AZIN2: variants seen among roughly 807,000 people sequenced by gnomAD.
The protein encoded by AZIN2 is antizyme inhibitor 2.
A neutral mutation model predicts 47.8 loss-of-function variants in AZIN2; 28 were observed. That is an observed-to-expected ratio of 0.59 (90% CI 0.43 to 0.80). The LOEUF (loss-of-function observed/expected upper bound fraction) is 0.80, where lower values mean the gene tolerates loss of function less well. Ranked by LOEUF, AZIN2 falls within the 30% of genes least tolerant of loss-of-function variation. The pLI, the probability that AZIN2 is intolerant of heterozygous loss-of-function variation, is 0.00. For synonymous variants in AZIN2, 221 were observed against 239.4 expected, an observed-to-expected ratio of 0.92 and a Z score of 0.71; for missense variants, 535 against 582.5, an observed-to-expected ratio of 0.92 and a Z score of 0.84.
In AZIN2 at chr1:33,081,207, C is replaced by G. The variant is rs1053506509; in HGVS notation, c.-493C>G. The G allele has an allele frequency of 6.5e-6, 1 of 154,116 alleles. No homozygotes were observed. The highest frequency in any genetic ancestry group is 2.4e-5 in the African/African-American group (1 of 41,490). 9.5% of individuals were successfully genotyped at this position (154,116 alleles called of 1,614,324 possible). On this transcript the variant is annotated 5_prime_UTR_variant, in exon 1 of 12. Coordinates refer to ENST00000294517, the MANE Select transcript of AZIN2 (RefSeq NM_052998.4). This position sits in a 1 kb window ranked among gnomAD's most constrained non-coding sequence, Gnocchi z 4.2. Reference sequence around the variant, plus strand: ...GGGGCGCAGGCCGCGGGACCCGAGCCCGGGGAAGCGAGAGAGCGGAGGCGC... The same window carrying G: ...GGGGCGCAGGCCGCGGGACCCGAGCGCGGGGAAGCGAGAGAGCGGAGGCGC...
At chr1:33,099,166 C>T (rs1050585822) in intron 10 of AZIN2, among the ~76,000 whole-genome samples, 1 of 152,122 alleles carries the variant, frequency 6.6e-6, no homozygotes, top group Non-Finnish European at 1.5e-5. Flanking sequence ...TTTTCCTTCC[C>T]TTCCCAACCT....
In AZIN2 at chr1:33,104,916, C is replaced by G. The variant is rs376746827; in HGVS notation, c.1029+6737C>G. ...GTTTTGCCATGTTGCCCAGGCTGGTCTTGAGCTCCTTGTTTTGTTCAAGCA... is the reference window on the plus strand; with the variant it reads ...GTTTTGCCATGTTGCCCAGGCTGGTGTTGAGCTCCTTGTTTTGTTCAAGCA... On this transcript the variant is annotated intron_variant, in intron 10 of 11. Transcript: ENST00000294517. 1.6e-4 allele frequency among the ~76,000 whole-genome samples: 24 copies of G among 152,228 alleles called. No individual in the cohort carries two copies. The East Asian group carries it at 3.3e-3, about 21-fold the overall frequency.
the AZIN2 span, among the ~76,000 whole-genome samples, chr1:33,133,684 C>G: frequency 6.6e-6 from 1 of 152,314 alleles, no homozygotes; most frequent in African/African-American, 2.4e-5. Context: ...GGTGTTAGGG[C>G]AAGGGCAGTG....
rs529630507 is a variant in AZIN2 at position 33,122,332 on chromosome 1, T to C, written c.*2150T>C. Among the ~76,000 whole-genome samples the C allele has an allele frequency of 2.6e-4, 40 of 152,326 alleles. No individual in the cohort carries two copies. The highest frequency in any genetic ancestry group is 7.9e-4 in the African/African-American group (33 of 41,576). The stretch of plus-strand genomic sequence containing the variant: ...AAATGACAGTGGCTGTCATGGAGTT[T>C]GGATGGATTTCTCACTGGAGCCTTT... On this transcript the variant is annotated 3_prime_UTR_variant, in exon 12 of 12. Coordinates refer to ENST00000294517, the MANE Select transcript of AZIN2 (RefSeq NM_052998.4).
chr1:33,112,876 A>G (rs1000881758), intron 10 of AZIN2, among the ~76,000 whole-genome samples: 1 of 152,186 alleles, frequency 6.6e-6, no homozygotes, highest in Non-Finnish European at 1.5e-5. Context: ...TATTTAATCT[A>G]GTTATTAAAT....
intron 10 of AZIN2, among the ~76,000 whole-genome samples, chr1:33,115,574 G>T (rs77709313): frequency 6.7e-6 from 1 of 149,662 alleles, no homozygotes; most frequent in Admixed American, 6.7e-5. Flanking sequence ...TGTGGTGGCC[G>T]GCACCTGTAA....
the AZIN2 span, among the ~76,000 whole-genome samples, chr1:33,133,890 G>T: frequency 2.0e-5 from 3 of 152,252 alleles, no homozygotes; most frequent in Non-Finnish European, 2.9e-5. Context: ...GTACTTGCTT[G>T]TGGACCCAAA....
At position 33,081,181 on chromosome 1, in the gene AZIN2, C is replaced by G. The variant is rs763103494; in HGVS notation, c.-519C>G. On this transcript the variant is annotated 5_prime_UTR_variant, in exon 1 of 12. Transcript: ENST00000294517. This position sits in a 1 kb window ranked among gnomAD's most constrained non-coding sequence, Gnocchi z 4.2. ...TGGGGGTCTGTGGCTGCTGGGCTGG[C>G]GGGGCGCAGGCCGCGGGACCCGAGC... 6.5e-6 allele frequency: 1 copy of G among 154,100 alleles called. No homozygotes were observed. The highest frequency in any genetic ancestry group is 1.4e-5 in the Non-Finnish European group (1 of 69,382). 9.5% of individuals were successfully genotyped at this position (154,100 alleles called of 1,614,324 possible).
At chr1:33,150,012 C>T in the AZIN2 span, among the ~76,000 whole-genome samples, 3 of 152,204 alleles carry the variant, frequency 2.0e-5, no homozygotes, top group Non-Finnish European at 4.4e-5. Context: ...GGGCTGGCCA[C>T]ACCGGCTTAG....
At chr1:33,094,524 C>T (rs1425958710) in intron 7 of AZIN2, 24 bp from the exon 8 acceptor site, 2 of 1,599,706 alleles carry the variant, frequency 1.3e-6, no homozygotes, top group East Asian at 2.2e-5. Flanking sequence ...TGCATGTCAG[C>T]CGAGGCTCTT....
intron 10 of AZIN2, among the ~76,000 whole-genome samples, chr1:33,099,394 G>A (rs1643474975): frequency 6.6e-6 from 1 of 152,146 alleles, no homozygotes; most frequent in Non-Finnish European, 1.5e-5. Context: ...AGGTGCTGAG[G>A]AATGCTGAGC....
downstream of AZIN2, among the ~76,000 whole-genome samples, chr1:33,124,534 A>C (rs979696620): frequency 6.6e-6 from 1 of 151,688 alleles, no homozygotes; most frequent in Non-Finnish European, 1.5e-5. This position sits in a 1 kb window ranked among gnomAD's most constrained non-coding sequence, Gnocchi z 4.6. Context: ...TTTTTTTTTT[A>C]TTATACTTTA....
intron 8 of AZIN2, among the ~76,000 whole-genome samples, chr1:33,096,450 T>C (rs1017403338): frequency 6.6e-6 from 1 of 152,170 alleles, no homozygotes; most frequent in African/African-American, 2.4e-5. Context: ...AAGTGTGATA[T>C]GAAGAGGACT....
Position 33,098,047 on chromosome 1 carries a change from T to C in AZIN2, c.917-20T>C, listed in dbSNP as rs1643343354. 6.3e-7 allele frequency: 1 copy of C among 1,596,484 alleles called. No individual in the cohort carries two copies. Among genetic ancestry groups the C allele is most frequent in the Non-Finnish European group, 8.6e-7 (1 of 1,164,108 alleles). On this transcript the variant is annotated intron_variant, in intron 9 of 11. Coordinates refer to ENST00000294517, the MANE Select transcript of AZIN2 (RefSeq NM_052998.4). ...CTCACATTGCTACTTGTGCTGCCTC[T>C]GAACCCTCCCCTCCTGCAGAGGAAA...
chr1:33,111,234 G>C (rs1012042620), intron 10 of AZIN2, among the ~76,000 whole-genome samples: 1 of 152,110 alleles, frequency 6.6e-6, no homozygotes, highest in Non-Finnish European at 1.5e-5. Flanking sequence ...AAAATGAGGG[G>C]GCTGAACTTT....
chr1:33,131,331 A>G, the AZIN2 span, among the ~76,000 whole-genome samples: 2 of 152,230 alleles, frequency 1.3e-5, no homozygotes, highest in South Asian at 4.1e-4. Flanking sequence ...CATACTGTTC[A>G]TAACTTGGTT....
At chr1:33,099,435 A>C (rs2124568238) in intron 10 of AZIN2, among the ~76,000 whole-genome samples, 1 of 152,334 alleles carries the variant, frequency 6.6e-6, no homozygotes. Context: ...CATTGCCTGC[A>C]TTCTTGTGGT....
chr1:33,158,846 C>CTT, the AZIN2 span, among the ~76,000 whole-genome samples: 5 of 145,574 alleles, frequency 3.4e-5, no homozygotes. Flanking sequence ...TCTTTTTTTT[C>CTT]TTTTTTTTTT....
intron 10 of AZIN2, among the ~76,000 whole-genome samples, chr1:33,101,522 G>A (rs1306925205): frequency 6.8e-6 from 1 of 146,534 alleles, no homozygotes; most frequent in African/African-American, 2.5e-5. Context: ...TTGAAATTAG[G>A]TAGATTTAGA....
Sources: allele counts gnomAD v4.1 joint callset (sites outside exome capture counted in the v4.1 genomes callset), GRCh38; gene constraint gnomAD v4.1.1; non-coding constraint Gnocchi (gnomAD v3.1); transcripts MANE v1.5; gene names NCBI Gene and HGNC (gene_info 2026-07-23, HGNC 2026-07-21).